GALNTL6: variants seen among roughly 807,000 people sequenced by gnomAD.
GALNTL6 encodes the protein polypeptide N-acetylgalactosaminyltransferase-like 6.
A neutral mutation model predicts 73.7 loss-of-function variants in GALNTL6; 46 were observed. The ratio of observed to expected loss-of-function variants is 0.62; its 90% CI spans 0.49 to 0.80. The LOEUF (loss-of-function observed/expected upper bound fraction) is 0.80. Among genes scored for constraint, GALNTL6 ranks in the 30% least tolerant of loss-of-function variants. The probability of loss-of-function intolerance (pLI) is 0.00; values close to 1 mark genes in which losing one functional copy is unlikely to be tolerated. For missense variants in GALNTL6, 604 were observed against 755.0 expected, an observed-to-expected ratio of 0.80 and a Z score of 2.34; for synonymous variants, 259 against 263.7, an observed-to-expected ratio of 0.98 and a Z score of 0.17.
chr4:172,366,847 A>G (rs1043034506), intron 5 of GALNTL6, among the ~76,000 whole-genome samples: 1 of 152,174 alleles, frequency 6.6e-6, no homozygotes, highest in African/African-American at 2.4e-5. Flanking sequence ...TAATAATGCT[A>G]CCAGCATTCA....
chr4:172,215,360 C>A (rs1158905899), intron 2 of GALNTL6, among the ~76,000 whole-genome samples: 4 of 152,138 alleles, frequency 2.6e-5, no homozygotes, highest in Non-Finnish European at 5.9e-5. Flanking sequence ...AGGTTTCCAA[C>A]TGTAGCAATG....
intron 5 of GALNTL6, among the ~76,000 whole-genome samples, chr4:172,711,102 C>G (rs764863127): frequency 6.6e-6 from 1 of 152,034 alleles, no homozygotes; most frequent in Non-Finnish European, 1.5e-5. Context: ...CAAAATAAGT[C>G]AGGGAAGAGA....
At chr4:172,320,030 G>A (rs930081796) in intron 4 of GALNTL6, among the ~76,000 whole-genome samples, 4 of 152,016 alleles carry the variant, frequency 2.6e-5, no homozygotes, top group Admixed American at 6.6e-5. Context: ...TCCAAGAGCC[G>A]TTTACCTAGG....
chr4:172,313,013 C>T (rs1220336884), intron 4 of GALNTL6, among the ~76,000 whole-genome samples: 6 of 151,992 alleles, frequency 3.9e-5, no homozygotes, highest in East Asian at 1.9e-4. Context: ...TTTCTAGTTA[C>T]GAGAAATTTT....
intron 5 of GALNTL6, among the ~76,000 whole-genome samples, chr4:172,524,370 T>C (rs968570853): frequency 6.6e-6 from 1 of 152,118 alleles, no homozygotes; most frequent in Non-Finnish European, 1.5e-5. Flanking sequence ...TGCTTCAGCC[T>C]CCCGAGTAGC....
At chr4:172,282,722 C>T (rs991612927) in intron 3 of GALNTL6, among the ~76,000 whole-genome samples, 2 of 146,970 alleles carry the variant, frequency 1.4e-5, no homozygotes, top group African/African-American at 5.0e-5. Flanking sequence ...AAATCAGTAA[C>T]TAAAAGGATT....
At chr4:172,617,151 G>T (rs942488910) in intron 5 of GALNTL6, among the ~76,000 whole-genome samples, 1 of 151,920 alleles carries the variant, frequency 6.6e-6, no homozygotes, top group Admixed American at 6.6e-5. Context: ...GTTTGTGTGT[G>T]TGCGTAATTA....
intron 3 of GALNTL6, among the ~76,000 whole-genome samples, chr4:172,234,071 G>A (rs1737163378): frequency 6.6e-6 from 1 of 151,944 alleles, no homozygotes; most frequent in South Asian, 2.1e-4. Context: ...ATATAGAAAT[G>A]TTAATAACTC....
At chr4:172,332,410 A>G (rs1056263524) in intron 4 of GALNTL6, among the ~76,000 whole-genome samples, 9 of 151,850 alleles carry the variant, frequency 5.9e-5, no homozygotes, top group Non-Finnish European at 2.9e-5. Flanking sequence ...ATCTTACTTT[A>G]TGTTTTTATC....
intron 2 of GALNTL6, among the ~76,000 whole-genome samples, chr4:172,177,442 A>T (rs1308514692): frequency 2.0e-5 from 3 of 152,116 alleles, no homozygotes; most frequent in Non-Finnish European, 2.9e-5. Context: ...ATCAGAGTTT[A>T]TCTAGATATT....
intron 8 of GALNTL6, among the ~76,000 whole-genome samples, chr4:172,901,626 A>C (rs1336681428): frequency 1.3e-5 from 2 of 152,218 alleles, no homozygotes; most frequent in African/African-American, 4.8e-5. Flanking sequence ...CCCTTGAAAC[A>C]AAGAATCATT....
chr4:172,040,238 CA>C (rs1408448731), intron 2 of GALNTL6, among the ~76,000 whole-genome samples: 1 of 151,956 alleles, frequency 6.6e-6, no homozygotes, highest in Non-Finnish European at 1.5e-5. Context: ...CAATAACCAA[CA>C]ATTTAAATAC....
chr4:172,330,692 T>C (rs1741095018), intron 4 of GALNTL6, among the ~76,000 whole-genome samples: 1 of 152,182 alleles, frequency 6.6e-6, no homozygotes, highest in East Asian at 1.9e-4. Flanking sequence ...TGTGTTAAGC[T>C]TCACTGAGCT....
intron 5 of GALNTL6, among the ~76,000 whole-genome samples, chr4:172,790,332 G>C (rs942046947): frequency 1.3e-5 from 2 of 152,170 alleles, no homozygotes; most frequent in African/African-American, 2.4e-5. Context: ...GGGGCATTAA[G>C]AATGTAACTC....
chr4:172,584,938 G>A (rs1737343034), intron 5 of GALNTL6, among the ~76,000 whole-genome samples: 1 of 152,168 alleles, frequency 6.6e-6, no homozygotes, highest in Non-Finnish European at 1.5e-5. Flanking sequence ...GGTTAGATAA[G>A]AAGAAAGATG....
At chr4:171,923,555 T>C (rs1176991897) in intron 2 of GALNTL6, among the ~76,000 whole-genome samples, 1 of 114,948 alleles carries the variant, frequency 8.7e-6, no homozygotes, top group African/African-American at 3.3e-5. Context: ...CCGGCACCAC[T>C]CCCGGCTAAT....
At chr4:172,213,242 A>G (rs1291524111) in intron 2 of GALNTL6, among the ~76,000 whole-genome samples, 2 of 152,206 alleles carry the variant, frequency 1.3e-5, no homozygotes, top group East Asian at 1.9e-4. Flanking sequence ...TAAAGCTGCT[A>G]TAAACATTTG....
At chr4:171,873,267 T>A (rs1343113550) in intron 2 of GALNTL6, among the ~76,000 whole-genome samples, 1 of 152,188 alleles carries the variant, frequency 6.6e-6, no homozygotes, top group Non-Finnish European at 1.5e-5. Context: ...GTAAATCCAA[T>A]GCATTCATTG....
intron 4 of GALNTL6, among the ~76,000 whole-genome samples, chr4:172,323,411 A>G (rs537351515): frequency 3.9e-5 from 6 of 152,286 alleles, no homozygotes; most frequent in African/African-American, 1.4e-4. Flanking sequence ...TGACATTAAC[A>G]CAATTACTAT....
Sources: gnomAD v4.1 joint callset for allele counts (sites outside exome capture counted in the v4.1 genomes callset) on GRCh38, gnomAD v4.1.1 for gene constraint, MANE v1.5 for transcripts, NCBI Gene and HGNC (gene_info 2026-07-23, HGNC 2026-07-21) for gene names.